FAF1: variants seen among roughly 807,000 people sequenced by gnomAD.
FAF1 encodes the protein Fas associated factor 1, also known as FAS-associated factor 1.
Under a neutral mutation model 92.5 loss-of-function variants are expected in FAF1, and 25 were observed. The ratio of observed to expected loss-of-function variants is 0.27; its 90% CI spans 0.20 to 0.38. The LOEUF (loss-of-function observed/expected upper bound fraction) is 0.38, where lower values mean the gene tolerates loss of function less well. FAF1 is among the 10% of genes least tolerant of loss of function. The probability of loss-of-function intolerance (pLI) is 1.00; values close to 1 mark genes in which losing one functional copy is unlikely to be tolerated. For synonymous variants in FAF1, 234 were observed against 273.2 expected, an observed-to-expected ratio of 0.86 and a Z score of 1.42; for missense variants, 636 against 793.3, an observed-to-expected ratio of 0.80 and a Z score of 2.38.
At chr1:50,843,752 T>A (rs1644275434) in intron 2 of FAF1, among the ~76,000 whole-genome samples, 1 of 152,176 alleles carries the variant, frequency 6.6e-6, no homozygotes, top group Non-Finnish European at 1.5e-5. Flanking sequence ...TGTGTGTGTG[T>A]GTATTGCATT....
Position 50,959,944 on chromosome 1 carries a change from G to C in FAF1, c.-133C>G, listed in dbSNP as rs982165978. On this transcript the variant is annotated 5_prime_UTR_variant, in exon 1 of 19. Transcript: ENST00000396153. The stretch of plus-strand genomic sequence containing the variant: ...GGGGCTGGCGGGCGAGCCGGCGGGC[G>C]GGTCGGCGGGCCAGCGGGCGGGGCA... 4 of 416,200 alleles carry C rather than the reference G, an allele frequency of 9.6e-6. No homozygotes were observed. Among genetic ancestry groups the C allele is most frequent in the African/African-American group, 6.4e-5 (3 of 46,790 alleles). 25.8% of individuals were successfully genotyped at this position (416,200 alleles called of 1,614,324 possible).
chr1:50,801,539 G>T, intron 3 of FAF1, 92 bp downstream of exon 3: 1 of 704,644 alleles, frequency 1.4e-6, no homozygotes, highest in Non-Finnish European at 2.6e-6. Flanking sequence ...CCAAATCAAT[G>T]CTCTATTAAA....
At chr1:50,605,157 T>A (rs1652318283) in intron 8 of FAF1, among the ~76,000 whole-genome samples, 1 of 152,138 alleles carries the variant, frequency 6.6e-6, no homozygotes, top group Admixed American at 6.5e-5. Context: ...TCTAGGGCAT[T>A]TCATCCCCTA....
chr1:50,847,158 T>C (rs1004795685), intron 2 of FAF1, among the ~76,000 whole-genome samples: 1 of 152,112 alleles, frequency 6.6e-6, no homozygotes, highest in Admixed American at 6.6e-5. Flanking sequence ...CCACCTGGGA[T>C]TGTGAGTTAG....
At chr1:50,444,342 C>T (rs1439468595) in intron 18 of FAF1, among the ~76,000 whole-genome samples, 1 of 152,160 alleles carries the variant, frequency 6.6e-6, no homozygotes, top group African/African-American at 2.4e-5. Context: ...GGAGATATCT[C>T]CCTGGAGAGG....
At chr1:50,954,830 A>C (rs1645251917) in intron 1 of FAF1, among the ~76,000 whole-genome samples, 3 of 152,156 alleles carry the variant, frequency 2.0e-5, no homozygotes, top group South Asian at 4.1e-4. Flanking sequence ...GGTGTGAGCC[A>C]CCATGCCTGG....
In FAF1 at chr1:50,864,132, T is replaced by C. The variant is rs560491369; in HGVS notation, c.46-6135A>G. Among the ~76,000 whole-genome samples, 1,154 of 151,498 alleles carry C rather than the reference T, an allele frequency of 7.6e-3. 20 individuals carry two copies. Among genetic ancestry groups the C allele is most frequent in the African/African-American group, 0.027 (1,103 of 41,302 alleles). Reference sequence around the variant, plus strand: ...AGTCTTGCTAGCGGTCTATCAATTTTGTTGATCCTTTCAAAAAACCAGCTC... The same window carrying C: ...AGTCTTGCTAGCGGTCTATCAATTTCGTTGATCCTTTCAAAAAACCAGCTC... On this transcript the variant is annotated intron_variant, in intron 1 of 18. Coordinates refer to ENST00000396153, the MANE Select transcript of FAF1 (RefSeq NM_007051.3).
intron 1 of FAF1, among the ~76,000 whole-genome samples, chr1:50,913,633 A>C (rs1644901240): frequency 6.6e-6 from 1 of 152,236 alleles, no homozygotes; most frequent in Non-Finnish European, 1.5e-5. Context: ...TAATGACAAT[A>C]ATATATGTCT....
At chr1:50,667,677 T>C (rs1003930874) in intron 7 of FAF1, among the ~76,000 whole-genome samples, 1 of 152,244 alleles carries the variant, frequency 6.6e-6, no homozygotes, top group African/African-American at 2.4e-5. Flanking sequence ...ATTAAGCTAC[T>C]TGCCTAAATG....
intron 13 of FAF1, among the ~76,000 whole-genome samples, chr1:50,550,224 A>T (rs534160991): frequency 1.3e-5 from 2 of 151,776 alleles, no homozygotes; most frequent in Non-Finnish European, 2.9e-5. Flanking sequence ...GGTGGCAGGC[A>T]CCTGTAGTCC....
intron 8 of FAF1, among the ~76,000 whole-genome samples, chr1:50,619,123 G>A (rs1172255136): frequency 6.6e-6 from 1 of 152,046 alleles, no homozygotes; most frequent in Non-Finnish European, 1.5e-5. Context: ...TGAGACTGTG[G>A]GTGTCATTAT....
intron 18 of FAF1, among the ~76,000 whole-genome samples, chr1:50,458,604 T>A (rs1001819112): frequency 2.6e-5 from 4 of 152,214 alleles, no homozygotes; most frequent in Admixed American, 6.5e-5. Flanking sequence ...CAAACACATT[T>A]AAAAAATTCC....
intron 4 of FAF1, among the ~76,000 whole-genome samples, chr1:50,763,692 A>G (rs747447152): frequency 7.2e-5 from 11 of 152,166 alleles, no homozygotes; most frequent in Non-Finnish European, 1.3e-4. Context: ...TCAACAGTTA[A>G]ACTGTTAAAT....
At chr1:50,761,054 A>G (rs539767890) in intron 4 of FAF1, among the ~76,000 whole-genome samples, 191 of 152,364 alleles carry the variant, frequency 1.3e-3, no homozygotes, top group African/African-American at 3.8e-3. Context: ...AGAATACTAC[A>G]AACACCTCTG....
At chr1:50,480,938 G>A (rs1557962541) in intron 17 of FAF1, among the ~76,000 whole-genome samples, 1 of 152,116 alleles carries the variant, frequency 6.6e-6, no homozygotes, top group Non-Finnish European at 1.5e-5. Context: ...GAATATGGAA[G>A]ACAATGATAT....
chr1:50,844,801 C>T (rs1328728304), intron 2 of FAF1, among the ~76,000 whole-genome samples: 1 of 151,840 alleles, frequency 6.6e-6, no homozygotes, highest in East Asian at 1.9e-4. Context: ...TATAAAGGGG[C>T]TGTCAGTGAT....
chr1:50,861,206 T>G (rs1644429423), intron 1 of FAF1, among the ~76,000 whole-genome samples: 1 of 151,842 alleles, frequency 6.6e-6, no homozygotes, highest in African/African-American at 2.4e-5. Flanking sequence ...TCCCTGAATC[T>G]AAAACAACAG....
intron 17 of FAF1, 89 bp downstream of exon 17, chr1:50,490,487 AAGGAAAGGAAGG>A: frequency 1.6e-6 from 1 of 631,100 alleles, no homozygotes; most frequent in South Asian, 1.7e-5. Flanking sequence ...GGAAGGAAGG[AAGGAAAGGAAGG>A]AAGGAAGGAA....
chr1:50,764,229 G>GA (rs1385479343), intron 4 of FAF1, among the ~76,000 whole-genome samples: 1 of 151,968 alleles, frequency 6.6e-6, no homozygotes, highest in Non-Finnish European at 1.5e-5. Context: ...TACTAATATG[G>GA]AAAATATTTA....
Sources: gnomAD v4.1 joint callset for allele counts (sites outside exome capture counted in the v4.1 genomes callset) on GRCh38, gnomAD v4.1.1 for gene constraint, MANE v1.5 for transcripts, NCBI Gene and HGNC (gene_info 2026-07-23, HGNC 2026-07-21) for gene names.